Variants in KAT6B observed in about 807,000 individuals in gnomAD.
KAT6B encodes lysine acetyltransferase 6B, also known as histone acetyltransferase KAT6B.
KAT6B carries 10 observed loss-of-function variants against 187.5 expected under a neutral mutation model. The observed-to-expected ratio is 0.05, with a 90% CI of 0.03 to 0.09. The LOEUF is 0.09. Ranked by LOEUF, KAT6B falls within the 10% of genes least tolerant of loss-of-function variation. The probability of loss-of-function intolerance (pLI) is 1.00; values close to 1 mark genes in which losing one functional copy is unlikely to be tolerated. For synonymous variants in KAT6B, 861 were observed against 926.8 expected, an observed-to-expected ratio of 0.93 and a Z score of 1.29; for missense variants, 1,952 against 2,558.9, an observed-to-expected ratio of 0.76 and a Z score of 5.12.
At chr10:74,912,808 T>C (rs1847341516) in intron 3 of KAT6B, among the ~76,000 whole-genome samples, 1 of 152,170 alleles carries the variant, frequency 6.6e-6, no homozygotes, top group African/African-American at 2.4e-5. Flanking sequence ...TAATGACCCA[T>C]GTAGATGTAG....
intron 12 of KAT6B, among the ~76,000 whole-genome samples, chr10:74,987,028 A>G (rs1402531182): frequency 6.6e-6 from 1 of 152,216 alleles, no homozygotes; most frequent in Non-Finnish European, 1.5e-5. Flanking sequence ...AACTTTTCTC[A>G]TAGTTTCTTC....
intron 3 of KAT6B, among the ~76,000 whole-genome samples, chr10:74,852,600 G>A (rs1402883762): frequency 6.6e-6 from 1 of 152,128 alleles, no homozygotes; most frequent in East Asian, 1.9e-4. Context: ...AAAATGAAGG[G>A]TGAATGAGTC....
Position 74,943,474 on chromosome 10 carries a change from T to A in KAT6B, c.622-16496T>A, listed in dbSNP as rs1849844548. Among the ~76,000 whole-genome samples the A allele has an allele frequency of 2.0e-5, 3 of 152,154 alleles. No individual in the cohort carries two copies. In the South Asian group the frequency reaches 6.2e-4, roughly 32 times the overall value. On this transcript the variant is annotated intron_variant, in intron 3 of 17. Coordinates refer to ENST00000287239, the MANE Select transcript of KAT6B (RefSeq NM_012330.4). ...AAAATTGGGACGTTGATGAACAAATTTGTGACAAAGGATTTGAAATAGTTT... is the reference window on the plus strand; with the variant it reads ...AAAATTGGGACGTTGATGAACAAATATGTGACAAAGGATTTGAAATAGTTT...
intron 3 of KAT6B, among the ~76,000 whole-genome samples, chr10:74,905,111 G>T (rs999252357): frequency 6.6e-6 from 1 of 152,184 alleles, no homozygotes; most frequent in Non-Finnish European, 1.5e-5. Context: ...AAAAGGCATA[G>T]ATAGTCTAAA....
chr10:74,940,467 G>A (rs1284796937), intron 3 of KAT6B, among the ~76,000 whole-genome samples: 1 of 151,598 alleles, frequency 6.6e-6, no homozygotes, highest in Non-Finnish European at 1.5e-5. Flanking sequence ...GTAGAGATGG[G>A]GTTTCACCAT....
chr10:74,869,578 G>A (rs944695973), intron 3 of KAT6B, among the ~76,000 whole-genome samples: 3 of 152,136 alleles, frequency 2.0e-5, no homozygotes, highest in Non-Finnish European at 2.9e-5. Context: ...GAGCCACCAC[G>A]CCTGGCTTTA....
Position 75,030,676 on chromosome 10 carries a change from C to G in KAT6B, c.5852C>G (p.Ala1951Gly). 6.2e-7 allele frequency: 1 copy of G among 1,614,220 alleles called. No individual in the cohort carries two copies. Among genetic ancestry groups the G allele is most frequent in the Non-Finnish European group, 8.5e-7 (1 of 1,180,052 alleles). Residue 1951 changes from alanine to glycine, a missense_variant, in exon 18 of 18, where the codon GCC becomes GGC. By Grantham distance (60) the Ala-to-Gly change is moderately conservative. Around this residue, in one of 9 missense-constraint regions of KAT6B, gnomAD observed 358 missense variants for 436.3 expected, o/e 0.82. Coordinates refer to ENST00000287239, the MANE Select transcript of KAT6B (RefSeq NM_012330.4). The surrounding 1 kb of genome is among the most constrained non-coding windows in gnomAD (Gnocchi z 4.8). ...SQIYGRSQTV[A>G]MQGPARTLTM... ...ATCTATGGGCGCTCCCAGACTGTAG[C>G]CATGCAGGGTCCTGCACGGACTTTA...
intron 3 of KAT6B, among the ~76,000 whole-genome samples, chr10:74,874,701 T>C (rs1449264160): frequency 2.0e-5 from 3 of 152,126 alleles, no homozygotes; most frequent in African/African-American, 7.2e-5. Flanking sequence ...GATTTCATAG[T>C]CATCCTGTAC....
At chr10:74,893,492 A>G (rs1325065095) in intron 3 of KAT6B, among the ~76,000 whole-genome samples, 2 of 151,132 alleles carry the variant, frequency 1.3e-5, no homozygotes, top group Non-Finnish European at 2.9e-5. Context: ...TTTTAAAGAC[A>G]GAGTTTCGTT....
chr10:75,008,089 A>G (rs916889293), intron 13 of KAT6B, among the ~76,000 whole-genome samples: 1 of 152,222 alleles, frequency 6.6e-6, no homozygotes, highest in Non-Finnish European at 1.5e-5. Flanking sequence ...TTAGAAAAAC[A>G]TAATTGAAGG....
intron 3 of KAT6B, among the ~76,000 whole-genome samples, chr10:74,860,353 A>T (rs1317925491): frequency 6.6e-6 from 1 of 152,252 alleles, no homozygotes; most frequent in African/African-American, 2.4e-5. Context: ...TACAAAAAAC[A>T]TGCAAAAAGA....
chr10:74,828,903 T>A (rs542566367), intron 1 of KAT6B, among the ~76,000 whole-genome samples: 2 of 152,158 alleles, frequency 1.3e-5, no homozygotes, highest in African/African-American at 4.8e-5. Flanking sequence ...AGAATGAATT[T>A]GGACAGTATT....
At chr10:74,963,253 G>A (rs947492589) in intron 4 of KAT6B, among the ~76,000 whole-genome samples, 1 of 152,130 alleles carries the variant, frequency 6.6e-6, no homozygotes, top group African/African-American at 2.4e-5. Context: ...TATTCTCTTT[G>A]CCTCATTAAG....
intron 1 of KAT6B, among the ~76,000 whole-genome samples, chr10:74,830,927 A>T (rs916657488): frequency 6.7e-6 from 1 of 150,086 alleles, no homozygotes; most frequent in Non-Finnish European, 1.5e-5. Context: ...AGCTGGGATT[A>T]CAGGTGCCCA....
At chr10:74,965,110 A>G (rs1401939202) in intron 4 of KAT6B, among the ~76,000 whole-genome samples, 1 of 152,208 alleles carries the variant, frequency 6.6e-6, no homozygotes, top group Non-Finnish European at 1.5e-5. Flanking sequence ...ATAGCCCCCA[A>G]AAACTTCTGG....
intron 3 of KAT6B, among the ~76,000 whole-genome samples, chr10:74,920,409 C>G (rs1250541537): frequency 6.6e-6 from 1 of 152,158 alleles, no homozygotes; most frequent in Admixed American, 6.5e-5. Context: ...AAAAGTGGCT[C>G]TGAGTGTTGG....
chr10:75,001,802 T>C (rs1488781721), intron 13 of KAT6B, among the ~76,000 whole-genome samples: 1 of 152,164 alleles, frequency 6.6e-6, no homozygotes. Context: ...AACAGGAGTT[T>C]TCATTTAGAA....
chr10:74,889,133 A>T (rs1251457184), intron 3 of KAT6B, among the ~76,000 whole-genome samples: 1 of 152,240 alleles, frequency 6.6e-6, no homozygotes, highest in Non-Finnish European at 1.5e-5. Context: ...TCTAAGACAG[A>T]CATGGGACGA....
intron 3 of KAT6B, among the ~76,000 whole-genome samples, chr10:74,912,375 GGATAGATA>G (rs35051764): frequency 2.0e-3 from 288 of 145,644 alleles, no homozygotes; most frequent in Middle Eastern, 0.01. Context: ...ATGGATGGAT[GGATAGATA>G]GATAGATAGA....
Sources: allele counts gnomAD v4.1 joint callset (sites outside exome capture counted in the v4.1 genomes callset), GRCh38; gene constraint gnomAD v4.1.1; regional missense constraint gnomAD v4.1.1; non-coding constraint Gnocchi (gnomAD v3.1); transcripts MANE v1.5; gene names NCBI Gene and HGNC (gene_info 2026-07-23, HGNC 2026-07-21).